Variants in LYRM4 observed in about 807,000 individuals in gnomAD.
The protein encoded by LYRM4 is LYR motif-containing protein 4.
Under a neutral mutation model 11.7 loss-of-function variants are expected in LYRM4, and 9 were observed. The ratio of observed to expected loss-of-function variants is 0.77; its 90% confidence interval spans 0.46 to 1.34. The LOEUF (loss-of-function observed/expected upper bound fraction) is 1.34. LYRM4 is among the 40% of genes most tolerant of loss of function. The pLI, the probability that LYRM4 is intolerant of heterozygous loss-of-function variation, is 0.00. For missense variants in LYRM4, 133 were observed against 112.5 expected (o/e 1.18, Z -0.82); for synonymous variants, 42 against 40.4 (o/e 1.04, Z -0.15).
chr6:5,101,863 A>G (rs892436802), downstream of LYRM4, among the ~76,000 whole-genome samples: 5 of 151,226 alleles, frequency 3.3e-5, no homozygotes, highest in Non-Finnish European at 7.4e-5. Flanking sequence ...TGGTGCAATC[A>G]TGGCTCACTT....
At chr6:5,110,262 C>T (rs972515410) in intron 2 of LYRM4, among the ~76,000 whole-genome samples, 1 of 121,648 alleles carries the variant, frequency 8.2e-6, no homozygotes, top group African/African-American at 3.3e-5. Context: ...ACCAGTTGGT[C>T]ACTATCTATG....
At chr6:5,142,233 G>T (rs955224412) in intron 2 of LYRM4, among the ~76,000 whole-genome samples, 1 of 152,092 alleles carries the variant, frequency 6.6e-6, no homozygotes, top group African/African-American at 2.4e-5. Flanking sequence ...GCTTCTGTGT[G>T]GCTCTCTCTG....
chr6:5,245,134 AT>A lies in LYRM4; in HGVS notation c.86+15513del, dbSNP rs1561899116. On this transcript the variant is annotated intron_variant, in intron 1 of 2. Transcript: ENST00000330636. ...AAAAAATATATATATATATATATAT[AT>A]ATATATATATATATATATATATATA... Among the ~76,000 whole-genome samples, 20 of 83,906 alleles carry A rather than the reference AT, an allele frequency of 2.4e-4. 4 individuals are homozygous for A. The highest frequency in any genetic ancestry group is 9.7e-4 in the African/African-American group (20 of 20,540). 55.0% of individuals were successfully genotyped at this position (83,906 alleles called of 152,430 possible). A position where few individuals can be genotyped will look rare whatever the true frequency, so the allele number is the denominator to read the frequency against.
chr6:5,096,655 T>C, the LYRM4 span, among the ~76,000 whole-genome samples: 2 of 152,180 alleles, frequency 1.3e-5, no homozygotes, highest in South Asian at 4.1e-4. Context: ...CCAAGTGCTT[T>C]CAGATAAGAC....
the LYRM4 span, among the ~76,000 whole-genome samples, chr6:5,069,497 GT>G: frequency 1.3e-5 from 2 of 148,748 alleles, no homozygotes; most frequent in African/African-American, 4.9e-5. Context: ...TTTGTTTTTT[GT>G]TTTTACGAAG....
chr6:5,232,801 T>C (rs551234748), intron 1 of LYRM4, among the ~76,000 whole-genome samples: 95 of 152,348 alleles, frequency 6.2e-4, no homozygotes, highest in Admixed American at 2.0e-3. Context: ...TACGCATAAA[T>C]GCTCAGAGCA....
intron 2 of LYRM4, among the ~76,000 whole-genome samples, chr6:5,174,596 G>A (rs1759615031): frequency 1.3e-5 from 2 of 152,156 alleles, no homozygotes; most frequent in African/African-American, 4.8e-5. Context: ...ACTTCAAGGA[G>A]GGCAGGCAGA....
chr6:5,195,360 C>A (rs1005693414), intron 2 of LYRM4, among the ~76,000 whole-genome samples: 1 of 152,094 alleles, frequency 6.6e-6, no homozygotes, highest in African/African-American at 2.4e-5. Context: ...CCTATAATCT[C>A]AGCACTTTGG....
the LYRM4 span, among the ~76,000 whole-genome samples, chr6:5,039,176 A>G: frequency 5.9e-5 from 9 of 152,154 alleles, no homozygotes; most frequent in African/African-American, 2.2e-4. Context: ...ATGTAACACT[A>G]TAAGAGAAAC....
intron 2 of LYRM4, among the ~76,000 whole-genome samples, chr6:5,175,864 C>A (rs985583270): frequency 6.6e-6 from 1 of 152,118 alleles, no homozygotes; most frequent in Admixed American, 6.6e-5. Flanking sequence ...AAGCCCCGGC[C>A]ACACAGACAT....
intron 2 of LYRM4, among the ~76,000 whole-genome samples, chr6:5,190,402 T>C (rs1157666171): frequency 6.6e-6 from 1 of 152,240 alleles, no homozygotes; most frequent in Non-Finnish European, 1.5e-5. Flanking sequence ...TCACTTGGTA[T>C]TCTGTAGTAA....
At chr6:5,240,604 C>T (rs1763818977) in intron 1 of LYRM4, 2 of 152,176 alleles carry the variant, frequency 1.3e-5, no homozygotes, top group Admixed American at 6.5e-5. Context: ...ACATCCTGGG[C>T]AAAGTACTCA....
chr6:5,209,635 G>T (rs1451972006), intron 2 of LYRM4, among the ~76,000 whole-genome samples: 1 of 152,126 alleles, frequency 6.6e-6, no homozygotes, highest in Non-Finnish European at 1.5e-5. Context: ...ACTTCTACAA[G>T]GCCGGAAGGA....
At chr6:5,245,248 T>C (rs1764143561) in intron 1 of LYRM4, among the ~76,000 whole-genome samples, 2 of 148,374 alleles carry the variant, frequency 1.3e-5, no homozygotes, top group Admixed American at 1.3e-4. Flanking sequence ...TCTATGGGAA[T>C]CTTTCATGTT....
chr6:5,144,216 C>T (rs1757569695), intron 2 of LYRM4: 1 of 1,536,878 alleles, frequency 6.5e-7, no homozygotes, highest in African/African-American at 1.4e-5. Flanking sequence ...CAGGCTCCGG[C>T]TGCTGTTCCC....
chr6:5,064,365 T>C, the LYRM4 span, among the ~76,000 whole-genome samples: 30 of 152,222 alleles, frequency 2.0e-4, no homozygotes, highest in South Asian at 6.2e-3. Flanking sequence ...TTAAAAATAA[T>C]TAATATGTTT....
intron 2 of LYRM4, among the ~76,000 whole-genome samples, chr6:5,116,968 G>A (rs975194140): frequency 1.6e-4 from 24 of 152,210 alleles, no homozygotes; most frequent in Admixed American, 3.9e-4. Context: ...GAAGCTGGGC[G>A]CAGTTGCCAG....
the LYRM4 span, among the ~76,000 whole-genome samples, chr6:5,038,605 C>G: frequency 4.6e-5 from 3 of 64,524 alleles, 1 homozygote; most frequent in African/African-American, 1.2e-4. Context: ...CATTGAGCAC[C>G]GAGTGAACGA....
the LYRM4 span, chr6:5,085,497 A>T: frequency 6.5e-7 from 1 of 1,535,692 alleles, no homozygotes; most frequent in African/African-American, 1.4e-5. Flanking sequence ...TGGAGCCCAT[A>T]GGGGCGCGGC....
Sources: gnomAD v4.1 joint callset for allele counts (sites outside exome capture counted in the v4.1 genomes callset) on GRCh38, gnomAD v4.1.1 for gene constraint, MANE v1.5 for transcripts, NCBI Gene and HGNC (gene_info 2026-07-23, HGNC 2026-07-21) for gene names.